Variants in ABI2 observed in about 807,000 individuals in gnomAD.
The protein encoded by ABI2 is abelson interactor 2.
A neutral mutation model predicts 59.2 loss-of-function variants in ABI2; 25 were observed. The observed-to-expected ratio is 0.42, with a 90% confidence interval of 0.31 to 0.59. The LOEUF (loss-of-function observed/expected upper bound fraction) is 0.59, where lower values mean the gene tolerates loss of function less well. Ranked by LOEUF, ABI2 falls within the 20% of genes least tolerant of loss-of-function variation. The probability of loss-of-function intolerance (pLI) is 0.14; values close to 1 mark genes in which losing one functional copy is unlikely to be tolerated. For missense variants in ABI2, 545 were observed against 681.8 expected (o/e 0.80, Z 2.23); for synonymous variants, 213 against 235.5 (o/e 0.90, Z 0.87).
At position 203,328,597 on chromosome 2, in the gene ABI2, G is replaced by C. The variant is rs758681743; in HGVS notation, c.83G>C (p.Arg28Pro). 2 of 1,603,514 alleles carry C rather than the reference G, an allele frequency of 1.2e-6. No individual in the cohort carries two copies. ...TTCGACAGCTACACAAATCTGGAAC[G>C]GGTGGCCGATTACTGCGAGAACAAC... ...ALFDSYTNLE[R>P]VADYCENNYI... Residue 28 changes from arginine (R) to proline (P), a missense_variant, in exon 1 of 12, where the codon CGG becomes CCG. By Grantham distance (103) the Arg-to-Pro change is moderately radical (BLOSUM62 -2). Around this residue, in one of 4 missense-constraint regions of ABI2, gnomAD observed 55 missense variants for 59.7 expected, o/e 0.92. Transcript: ENST00000261018.
At chr2:203,385,802 C>T (rs1193265541) in intron 4 of ABI2, among the ~76,000 whole-genome samples, 4 of 152,200 alleles carry the variant, frequency 2.6e-5, no homozygotes, top group African/African-American at 4.8e-5. Flanking sequence ...TTGTTAGAAT[C>T]TGTTTTCAAA....
chr2:203,374,204 A>G (rs2095519564), intron 2 of ABI2, among the ~76,000 whole-genome samples: 1 of 151,198 alleles, frequency 6.6e-6, no homozygotes, highest in Non-Finnish European at 1.5e-5. Context: ...CTTGCTTAAG[A>G]ATTTCTAATT....
chr2:203,356,939 G>C lies in ABI2; in HGVS notation c.118-9938G>C, dbSNP rs542394990. On this transcript the variant is annotated intron_variant, in intron 1 of 11. Coordinates refer to ENST00000261018, the MANE Select transcript of ABI2 (RefSeq NM_001375670.1). ...TTCACATTGTTCCTGTCTTTTTTGT[G>C]GGGGAGGGAATGACCGAAAGCATTG... is the stretch of plus-strand genomic sequence containing the variant. Among the ~76,000 whole-genome samples, 36 of 151,976 alleles carry C rather than the reference G, an allele frequency of 2.4e-4. No individual in the cohort carries two copies. In the South Asian group the frequency reaches 7.1e-3, roughly 30 times the overall value.
At chr2:203,339,300 C>T (rs1346210414) in intron 1 of ABI2, among the ~76,000 whole-genome samples, 1 of 151,594 alleles carries the variant, frequency 6.6e-6, no homozygotes, top group Admixed American at 6.6e-5. Flanking sequence ...CTGGTTCCGG[C>T]CGGGTGTGGT....
intron 1 of ABI2, among the ~76,000 whole-genome samples, chr2:203,348,142 C>G (rs1576302614): frequency 6.6e-6 from 1 of 152,146 alleles, no homozygotes; most frequent in African/African-American, 2.4e-5. Context: ...TTGGGAGGCT[C>G]AGGCAGGAGA....
At chr2:203,366,039 T>C (rs1450522262) in intron 1 of ABI2, among the ~76,000 whole-genome samples, 1 of 152,240 alleles carries the variant, frequency 6.6e-6, no homozygotes, top group Non-Finnish European at 1.5e-5. Context: ...GGTTTTTTCA[T>C]GTTCATATGT....
intron 2 of ABI2, among the ~76,000 whole-genome samples, chr2:203,377,845 G>T (rs2095814671): frequency 1.3e-5 from 2 of 152,214 alleles, no homozygotes; most frequent in African/African-American, 2.4e-5. Context: ...GGTCGAGGAT[G>T]CAGTGAGCCA....
chr2:203,352,225 C>G (rs993895156), intron 1 of ABI2, among the ~76,000 whole-genome samples: 1 of 151,878 alleles, frequency 6.6e-6, no homozygotes. Flanking sequence ...TTTGGGAGCC[C>G]GAGATGGAAG....
chr2:203,394,135 G>A (rs2096879316), intron 5 of ABI2, among the ~76,000 whole-genome samples: 1 of 152,170 alleles, frequency 6.6e-6, no homozygotes, highest in South Asian at 2.1e-4. Flanking sequence ...AAGTGAGAAC[G>A]GAAGATGAGA....
intron 1 of ABI2, among the ~76,000 whole-genome samples, chr2:203,346,502 G>A (rs1559175074): frequency 6.6e-6 from 1 of 152,214 alleles, no homozygotes; most frequent in Non-Finnish European, 1.5e-5. Flanking sequence ...ATACTGGTCT[G>A]TGTTTTGGGT....
intron 2 of ABI2, among the ~76,000 whole-genome samples, chr2:203,373,198 T>C (rs4675337): frequency 0.92 from 136,615 of 148,410 alleles, 63,003 homozygotes; most frequent in Non-Finnish European, 0.96. Context: ...AACCAGACTC[T>C]GTCTGCAATC....
At chr2:203,377,976 A>G (rs532938580) in intron 2 of ABI2, among the ~76,000 whole-genome samples, 1 of 152,320 alleles carries the variant, frequency 6.6e-6, no homozygotes, top group South Asian at 2.1e-4. Flanking sequence ...GTGAATTCCA[A>G]TATCATCACT....
At chr2:203,366,848 A>C (rs1467656423) in intron 1 of ABI2, 29 bp from the exon 2 acceptor site, 1 of 1,512,474 alleles carries the variant, frequency 6.6e-7, no homozygotes, top group Non-Finnish European at 8.9e-7. Context: ...TTTTTGAATT[A>C]ATGATCACTG....
At chr2:203,366,609 C>T (rs1366367249) in intron 1 of ABI2, among the ~76,000 whole-genome samples, 4 of 152,136 alleles carry the variant, frequency 2.6e-5, no homozygotes, top group African/African-American at 9.7e-5. Flanking sequence ...TCAAATTGTC[C>T]ATTGGATCTC....
intron 1 of ABI2, among the ~76,000 whole-genome samples, chr2:203,338,533 A>G (rs921544227): frequency 1.3e-5 from 2 of 151,982 alleles, no homozygotes; most frequent in African/African-American, 2.4e-5. Context: ...TGCTGGCTCC[A>G]CTTCTGCCAT....
chr2:203,372,728 G>A (rs1187398083), intron 2 of ABI2, among the ~76,000 whole-genome samples: 103 of 151,674 alleles, frequency 6.8e-4, no homozygotes, highest in African/African-American at 2.4e-3. Context: ...CGGCTGCCGG[G>A]CGGAGGGGCT....
rs1049424914 is a variant in ABI2 at position 203,430,622 on chromosome 2, C to T, written c.*3270C>T. 6.6e-6 allele frequency: 1 copy of T among 152,114 alleles called. No individual in the cohort carries two copies. The highest frequency in any genetic ancestry group is 1.5e-5 in the Non-Finnish European group (1 of 68,028). 9.4% of individuals were successfully genotyped at this position (152,114 alleles called of 1,614,324 possible). A position where few individuals can be genotyped will look rare whatever the true frequency, so the allele number is the denominator to read the frequency against. On this transcript the variant is annotated 3_prime_UTR_variant, in exon 12 of 12. Coordinates refer to ENST00000261018, the MANE Select transcript of ABI2 (RefSeq NM_001375670.1). ...CTAAGCTATCTTGTTTAATATTTTC[C>T]ATCATTTAGCTACTTCCTATCTCCC...
chr2:203,425,882 C>T (rs1481697717), intron 11 of ABI2, among the ~76,000 whole-genome samples: 1 of 151,674 alleles, frequency 6.6e-6, no homozygotes. Context: ...ATTAGCTGTG[C>T]GTGGTGGTGG....
intron 2 of ABI2, among the ~76,000 whole-genome samples, chr2:203,372,770 G>A (rs1363420597): frequency 4.0e-5 from 6 of 150,222 alleles, no homozygotes; most frequent in East Asian, 4.0e-4. Flanking sequence ...GTTGCCAGGC[G>A]GAGGGTCTCC....
Sources: allele counts gnomAD v4.1 joint callset (sites outside exome capture counted in the v4.1 genomes callset), GRCh38; gene constraint gnomAD v4.1.1; regional missense constraint gnomAD v4.1.1; transcripts MANE v1.5; gene names NCBI Gene and HGNC (gene_info 2026-07-23, HGNC 2026-07-21).